Variants in AGRN observed in about 807,000 individuals in gnomAD.
AGRN encodes agrin.
In AGRN, 106 loss-of-function variants were observed where a neutral mutation model predicts 211.0. The ratio of observed to expected loss-of-function variants is 0.50; its 90% confidence interval spans 0.43 to 0.59. The LOEUF is 0.59. AGRN is among the 20% of genes least tolerant of loss of function. AGRN has a pLI of 0.00. For missense variants in AGRN, 3,040 were observed against 2,982.6 expected (o/e 1.02, Z -0.45); for synonymous variants, 1,525 against 1,332.5 (o/e 1.14, Z -3.15).
At position 1,048,792 on chromosome 1, in the gene AGRN, AG is replaced by A; in HGVS notation, c.4106-70del. The A allele has an allele frequency of 4.5e-5, 9 of 201,614 alleles. No homozygotes were observed. The highest frequency in any genetic ancestry group is 6.7e-5 in the Non-Finnish European group (9 of 135,100). 12.5% of individuals were successfully genotyped at this position (201,614 alleles called of 1,614,324 possible). A position where few individuals can be genotyped will look rare whatever the true frequency, so the allele number is the denominator to read the frequency against. Reference sequence around the variant, plus strand: ...CAAAAAAAAAAAAAAAAAAAAAAGCAGGGGGCGGTTTCAGGGATAAAAGTGG... The same window carrying A: ...CAAAAAAAAAAAAAAAAAAAAAAGCAGGGGCGGTTTCAGGGATAAAAGTGG... On this transcript the variant is annotated intron_variant, in intron 23 of 35. Transcript: ENST00000379370. This position sits in a 1 kb window ranked among gnomAD's most constrained non-coding sequence, Gnocchi z 5.9.
At chr1:1,053,452 G>T (rs1203338463) in intron 33 of AGRN, 1 of 1,457,282 alleles carries the variant, frequency 6.9e-7, no homozygotes, top group Non-Finnish European at 9.2e-7. Flanking sequence ...CTCTCTTCCT[G>T]CTTCTAAGCC....
At chr1:1,020,660 GAGA>G (rs1557680304) in intron 1 of AGRN, among the ~76,000 whole-genome samples, 1 of 151,338 alleles carries the variant, frequency 6.6e-6, no homozygotes, top group South Asian at 2.1e-4. Flanking sequence ...CCTACCGGCC[GAGA>G]AGGAGAGGGG....
intron 3 of AGRN, among the ~76,000 whole-genome samples, chr1:1,035,804 G>A (rs113132882): frequency 0.044 from 6,614 of 152,006 alleles, 425 homozygotes; most frequent in African/African-American, 0.15. Flanking sequence ...CCTGGAGGGC[G>A]GCAGTCTGTC....
chr1:1,053,885 G>T lies in AGRN; in HGVS notation c.5784G>T (p.Leu1928=), dbSNP rs1294112575. The T allele has an allele frequency of 6.2e-7, 1 of 1,609,256 alleles. No individual in the cohort carries two copies. Among genetic ancestry groups the T allele is most frequent in the Admixed American group, 1.7e-5 (1 of 59,522 alleles). The part of the protein sequence containing the change: ...YVALAIVDGH[L]QLSYNLGSQP... ...CACTGGCCATTGTGGACGGGCACCT[G>T]CAACTGAGCTACAACCTGGGCTCCC... The change falls in exon 34 of 36, where the codon CTG becomes CTT. Residue 1928 remains leucine (L), a synonymous_variant. Transcript: ENST00000379370.
In AGRN at chr1:1,041,408, C is replaced by T. The variant is rs927688629; in HGVS notation, c.952+11C>T. 6.5e-7 allele frequency: 1 copy of T among 1,544,150 alleles called. No individual in the cohort carries two copies. Among genetic ancestry groups the T allele is most frequent in the Non-Finnish European group, 8.7e-7 (1 of 1,151,506 alleles). ...TCGACGGCCCTTGTGGTGAGCGCGG[C>T]GGCGGGCGCACGGCTCGAGCTCTGT... On this transcript the variant is annotated intron_variant, in intron 5 of 35. Coordinates refer to ENST00000379370, the MANE Select transcript of AGRN (RefSeq NM_198576.4).
chr1:1,041,024 G>GGCGGA (rs1644917170), intron 4 of AGRN, 144 bp downstream of exon 4: 1 of 476,214 alleles, frequency 2.1e-6, no homozygotes, highest in Non-Finnish European at 2.9e-6. Flanking sequence ...GGGCCTGGGG[G>GGCGGA]GCGGAGCGGG....
Position 1,020,328 on chromosome 1 carries a change from G to A in AGRN, c.156G>A (p.Glu52=). 1 of 1,494,236 alleles carries A rather than the reference G, an allele frequency of 6.7e-7. No homozygotes were observed. Among genetic ancestry groups the A allele is most frequent in the Non-Finnish European group, 8.9e-7 (1 of 1,120,670 alleles). 92.6% of individuals were successfully genotyped at this position (1,494,236 alleles called of 1,614,324 possible). A position where few individuals can be genotyped will look rare whatever the true frequency, so the allele number is the denominator to read the frequency against. ...ACGTGGTGCTCACCGGGACGGTGGA[G>A]GAGATCCTCAACGTGGACCCGGTGC... The part of the protein sequence containing the change: ...EANVVLTGTV[E]EILNVDPVQH... The change falls in exon 1 of 36, where the codon GAG becomes GAA. Residue 52 remains glutamate (E), a synonymous_variant. Transcript: ENST00000379370.
intron 2 of AGRN, among the ~76,000 whole-genome samples, chr1:1,023,969 G>A (rs559098457): frequency 3.3e-5 from 5 of 152,276 alleles, no homozygotes; most frequent in African/African-American, 9.6e-5. Flanking sequence ...GGGAGCACCC[G>A]GGAGGGGCTG....
At chr1:1,040,995 G>A (rs1478576614) in intron 4 of AGRN, 115 bp downstream of exon 4, 1 of 319,422 alleles carries the variant, frequency 3.1e-6, no homozygotes, top group Non-Finnish European at 4.8e-6. Flanking sequence ...GGCCCGGCGG[G>A]GAGGAGCGGG....
chr1:1,050,369 C>A, intron 28 of AGRN, 40 bp downstream of exon 28: 3 of 1,612,696 alleles, frequency 1.9e-6, no homozygotes, highest in Non-Finnish European at 2.5e-6. Flanking sequence ...CGGCCCCCAC[C>A]TCCGTCTCTC....
chr1:1,040,731 C>A lies in AGRN; in HGVS notation c.578C>A (p.Ala193Glu). 6.5e-7 allele frequency: 1 copy of A among 1,545,446 alleles called. No homozygotes were observed. The highest frequency in any genetic ancestry group is 8.7e-7 in the Non-Finnish European group (1 of 1,147,044). ...CCCAACGCGGAGGGGCCGGGCCGGGCGTCCTGCGTCTGCAAGAAGAGCCCG... is the reference window on the plus strand; with the variant it reads ...CCCAACGCGGAGGGGCCGGGCCGGGAGTCCTGCGTCTGCAAGAAGAGCCCG... ...CEPNAEGPGR[A>E]SCVCKKSPCP... Residue 193 changes from alanine to glutamate, a missense_variant, in exon 4 of 36, where the codon GCG becomes GAG. Coordinates refer to ENST00000379370, the MANE Select transcript of AGRN (RefSeq NM_198576.4).
At position 1,049,339 on chromosome 1, in the gene AGRN, C is replaced by T. The variant is rs765711896; in HGVS notation, c.4402C>T (p.Leu1468Phe). 7.5e-6 allele frequency: 12 copies of T among 1,598,144 alleles called. No individual in the cohort carries two copies. Among genetic ancestry groups the T allele is most frequent in the Non-Finnish European group, 1.0e-5 (12 of 1,179,566 alleles). The change falls in exon 25 of 36, where the codon CTC becomes TTC. Residue 1468 changes from leucine (L) to phenylalanine (F), a missense_variant. By Grantham distance (22) the Leu-to-Phe change is conservative. Around this residue, in one of 3 missense-constraint regions of AGRN, gnomAD observed 1,537 missense variants for 1,505.0 expected, o/e 1.02. Transcript: ENST00000379370. ...ELSRHWRRGT[L>F]SVDGETPVLG... ...GTCCCGGCACTGGCGCCGGGGCACC[C>T]TCTCGGTGGATGGTGAGACCCCTGT... is the stretch of plus-strand genomic sequence containing the variant.
rs1278824919 is a variant in AGRN, at chr1:1,035,173, G to A, written c.464-104G>A. 6.3e-6 allele frequency: 7 copies of A among 1,105,738 alleles called. 2 individuals are homozygous for A. Among genetic ancestry groups the A allele is most frequent in the Admixed American group, 4.2e-5 (2 of 47,726 alleles). The allele number at this position is 1,105,738 out of a possible 1,614,324, so 68.5% of individuals were successfully genotyped here. A position where few individuals can be genotyped will look rare whatever the true frequency, so the allele number is the denominator to read the frequency against. On this transcript the variant is annotated intron_variant, in intron 2 of 35. Coordinates refer to ENST00000379370, the MANE Select transcript of AGRN (RefSeq NM_198576.4). ...CTGGATCCCTGGGGCTAGCGGTGGG[G>A]GGGGGGGGGTGGGCAGGGGTGCCCC...
intron 17 of AGRN, 31 bp from the exon 18 acceptor site, chr1:1,046,366 G>A (rs992001479): frequency 3.1e-6 from 5 of 1,599,312 alleles, no homozygotes; most frequent in East Asian, 2.2e-5. Context: ...TGTCCCAACC[G>A]GTCCCCCCGC....
rs755142502 is a variant in AGRN at position 1,045,431 on chromosome 1, G to A, written c.2444G>A (p.Arg815His). The change falls in exon 14 of 36, where the codon CGC (arginine) becomes CAC (histidine). Residue 815 changes from arginine to histidine, a missense_variant. By Grantham distance (29) the Arg-to-His change is conservative. Transcript: ENST00000379370. Reference sequence around the variant, plus strand: ...CCAGCCACAGGCCAGTGCTCCTGCCGCCCAGGTGTGGGGGGCCTCAGGTGT... The same window carrying A: ...CCAGCCACAGGCCAGTGCTCCTGCCACCCAGGTGTGGGGGGCCTCAGGTGT... ...CDPATGQCSC[R>H]PGVGGLRCDR... 2.0e-5 allele frequency: 32 copies of A among 1,612,140 alleles called. No individual in the cohort carries two copies. The highest frequency in any genetic ancestry group is 3.3e-4 in the Middle Eastern group (2 of 6,084).
At chr1:1,052,048 T>TCACTCC in intron 33 of AGRN, 1 of 1,493,110 alleles carries the variant, frequency 6.7e-7, no homozygotes, top group Non-Finnish European at 9.0e-7. Context: ...CCGCTCCCTC[T>TCACTCC]CACTCCCACT....
chr1:1,044,232 G>C lies in AGRN; in HGVS notation c.2123G>C (p.Ser708Thr), dbSNP rs1645028463. 6.2e-7 allele frequency: 1 copy of C among 1,612,896 alleles called. No homozygotes were observed. Among genetic ancestry groups the C allele is most frequent in the Non-Finnish European group, 8.5e-7 (1 of 1,179,914 alleles). Reference sequence around the variant, plus strand: ...GACGGGCCGTGTGTCTGTGACTTCAGCTGCCAGAGTGTCCCAGGCAGCCCG... The same window carrying C: ...GACGGGCCGTGTGTCTGTGACTTCACCTGCCAGAGTGTCCCAGGCAGCCCG... ...SEDGPCVCDF[S>T]CQSVPGSPVC... Residue 708 changes from serine to threonine, a missense_variant, in exon 11 of 36, where the codon AGC becomes ACC. Ser to Thr is a moderately conservative substitution (Grantham distance 58). Around this residue, in one of 3 missense-constraint regions of AGRN, gnomAD observed 1,498 missense variants for 1,457.8 expected, o/e 1.03. Transcript: ENST00000379370.
At position 1,047,104 on chromosome 1, in the gene AGRN, C is replaced by T. The variant is rs3813191; in HGVS notation, c.3388+147C>T. 7.7e-3 allele frequency: 10,848 copies of T among 1,406,918 alleles called. 230 individuals are homozygous for T. The highest frequency in any genetic ancestry group is 0.069 in the African/African-American group (4,836 of 69,976). The allele number at this position is 1,406,918 out of a possible 1,614,324, so 87.2% of individuals were successfully genotyped here. A position where few individuals can be genotyped will look rare whatever the true frequency, so the allele number is the denominator to read the frequency against. On this transcript the variant is annotated intron_variant, in intron 19 of 35. Coordinates refer to ENST00000379370, the MANE Select transcript of AGRN (RefSeq NM_198576.4). ...ACATGTGCGTGCCGGGGACCCCACG[C>T]CTAACCCGTCTCTCTCGTTGCAAGC...
intron 28 of AGRN, 37 bp from the exon 29 acceptor site, chr1:1,050,390 G>A (rs1450774442): frequency 1.2e-5 from 19 of 1,612,458 alleles, no homozygotes; most frequent in Non-Finnish European, 1.6e-5. Context: ...CTGTGGGGAG[G>A]GGACAGCAAA....
Sources: gnomAD v4.1 joint callset for allele counts (sites outside exome capture counted in the v4.1 genomes callset) on GRCh38, gnomAD v4.1.1 for gene constraint, gnomAD v4.1.1 regional missense constraint, Gnocchi (gnomAD v3.1) non-coding constraint, MANE v1.5 for transcripts, NCBI Gene and HGNC (gene_info 2026-07-23, HGNC 2026-07-21) for gene names.